The following EML4 variants were observed in gnomAD, a reference collection of about 807,000 sequenced individuals.
EML4 encodes the protein EMAP like 4, also known as echinoderm microtubule-associated protein-like 4.
EML4 carries 72 observed loss-of-function variants against 129.0 expected under a neutral mutation model. The ratio of observed to expected loss-of-function variants is 0.56; its 90% confidence interval spans 0.46 to 0.68. The LOEUF is 0.68. Among genes scored for constraint, EML4 ranks in the 30% least tolerant of loss-of-function variants. The pLI is 0.00. For synonymous variants in EML4, 532 were observed against 405.0 expected, an observed-to-expected ratio of 1.31 and a Z score of -3.77; for missense variants, 1,363 against 1,190.6, an observed-to-expected ratio of 1.14 and a Z score of -2.13.
chr2:42,265,608 C>T (rs769842147), intron 6 of EML4, among the ~76,000 whole-genome samples: 1 of 152,084 alleles, frequency 6.6e-6, no homozygotes, highest in Non-Finnish European at 1.5e-5. Flanking sequence ...AGTAAAAATA[C>T]AGTATTACAA....
intron 1 of EML4, among the ~76,000 whole-genome samples, chr2:42,200,618 G>A (rs1394094344): frequency 2.6e-5 from 4 of 152,174 alleles, no homozygotes; most frequent in Non-Finnish European, 5.9e-5. Context: ...CAGAAATTCT[G>A]GCACTAATTC....
chr2:42,306,484 C>CT (rs375707062), intron 17 of EML4, among the ~76,000 whole-genome samples: 12,610 of 74,406 alleles, frequency 0.17, 3,168 homozygotes, highest in Middle Eastern at 0.29. Flanking sequence ...GTGCTAAATC[C>CT]TTTTTTTTTT....
chr2:42,330,274 A>G lies in EML4; in HGVS notation c.*67A>G, dbSNP rs945621668. 2.1e-5 allele frequency: 29 copies of G among 1,398,740 alleles called. No homozygotes were observed. The highest frequency in any genetic ancestry group is 2.9e-5 in the Non-Finnish European group (29 of 992,590). 86.6% of individuals were successfully genotyped at this position (1,398,740 alleles called of 1,614,324 possible). A position where few individuals can be genotyped will look rare whatever the true frequency, so the allele number is the denominator to read the frequency against. On this transcript the variant is annotated 3_prime_UTR_variant, in exon 23 of 23. Coordinates refer to ENST00000318522, the MANE Select transcript of EML4 (RefSeq NM_019063.5). ...GATTTTGTGATAAAGTTCAGGTAAC[A>G]GGATGGGCAGTGATGGAGAATCACT...
chr2:42,292,918 C>A (rs569836332), intron 11 of EML4, among the ~76,000 whole-genome samples: 1 of 151,912 alleles, frequency 6.6e-6, no homozygotes, highest in East Asian at 1.9e-4. Context: ...GTTTTACAAC[C>A]CTTTGATTAT....
In EML4 at chr2:42,267,599, A is replaced by G. The variant is rs565303207; in HGVS notation, c.667+2868A>G. ...GGCCTGTGTCCTTCAGACAGAGCAG[A>G]GTAGGAGAAAAGCTAGAAAGCTGCA... is the stretch of plus-strand genomic sequence containing the variant. On this transcript the variant is annotated intron_variant, in intron 6 of 22. Coordinates refer to ENST00000318522, the MANE Select transcript of EML4 (RefSeq NM_019063.5). 4.6e-5 allele frequency among the ~76,000 whole-genome samples: 7 copies of G among 152,340 alleles called. No homozygotes were observed. In the South Asian group the frequency reaches 1.4e-3, roughly 32 times the overall value.
At chr2:42,232,679 T>G (rs1674420954) in intron 1 of EML4, among the ~76,000 whole-genome samples, 1 of 152,184 alleles carries the variant, frequency 6.6e-6, no homozygotes, top group African/African-American at 2.4e-5. Flanking sequence ...GTAGAAACAC[T>G]CTTTTGATGG....
At chr2:42,294,805 G>C (rs1409622276) in intron 11 of EML4, among the ~76,000 whole-genome samples, 1 of 152,032 alleles carries the variant, frequency 6.6e-6, no homozygotes, top group African/African-American at 2.4e-5. Flanking sequence ...CTTTAAGAAA[G>C]AATGTACATT....
At chr2:42,274,482 T>C (rs72972010) in intron 6 of EML4, among the ~76,000 whole-genome samples, 13,639 of 152,166 alleles carry the variant, frequency 0.09, 1,995 homozygotes, top group African/African-American at 0.31. Context: ...TAAAGCAAGC[T>C]TAAAAAGAAA....
chr2:42,319,535 C>T (rs1054104741), intron 19 of EML4: 1 of 152,338 alleles, frequency 6.6e-6, no homozygotes, highest in African/African-American at 2.4e-5. Flanking sequence ...TTGCTTCTAG[C>T]TTTCAGTTCT....
At chr2:42,251,493 C>T (rs563327143) in intron 2 of EML4, among the ~76,000 whole-genome samples, 8 of 152,084 alleles carry the variant, frequency 5.3e-5, no homozygotes, top group Non-Finnish European at 7.3e-5. Flanking sequence ...AGTTGAAAGG[C>T]CTAAGGGTAC....
intron 10 of EML4, among the ~76,000 whole-genome samples, chr2:42,287,612 A>G (rs761651848): frequency 2.0e-5 from 3 of 152,292 alleles, no homozygotes; most frequent in South Asian, 4.1e-4. Flanking sequence ...AATATCATCT[A>G]TAGGTATTTT....
chr2:42,295,813 C>T (rs1040298883), intron 13 of EML4, among the ~76,000 whole-genome samples: 2 of 152,156 alleles, frequency 1.3e-5, no homozygotes, highest in Non-Finnish European at 2.9e-5. Flanking sequence ...GGCTCACTTT[C>T]CCCTGAGCTG....
At position 42,316,063 on chromosome 2, in the gene EML4, A is replaced by C; in HGVS notation, c.2056+13A>C. 6.3e-7 allele frequency: 1 copy of C among 1,584,686 alleles called. No homozygotes were observed. The highest frequency in any genetic ancestry group is 1.1e-5 in the South Asian group (1 of 89,910). On this transcript the variant is annotated intron_variant, in intron 18 of 22. Transcript: ENST00000318522. ...CGCTACTCAATAGGTAGGCAAATTT[A>C]CTCCCACCTCCCAAGCATGGCATTC... is the stretch of plus-strand genomic sequence containing the variant.
intron 2 of EML4, among the ~76,000 whole-genome samples, chr2:42,255,351 C>T (rs1331741172): frequency 6.6e-6 from 1 of 152,088 alleles, no homozygotes; most frequent in East Asian, 1.9e-4. Context: ...TCCCAAAGTG[C>T]TGGGATTACA....
At chr2:42,197,850 C>T (rs962724881) in intron 1 of EML4, among the ~76,000 whole-genome samples, 1 of 152,158 alleles carries the variant, frequency 6.6e-6, no homozygotes, top group African/African-American at 2.4e-5. Flanking sequence ...CTTGTGTACT[C>T]CTTTAGCCAG....
In EML4 at chr2:42,243,792, A is replaced by T. The variant is rs142035456; in HGVS notation, c.26-1713A>T. 7.5e-3 allele frequency among the ~76,000 whole-genome samples: 1,140 copies of T among 152,334 alleles called. 3 individuals carry two copies. Among genetic ancestry groups the T allele is most frequent in the Middle Eastern group, 0.017 (5 of 294 alleles). ...TTTACTGTTCCATAATGTAATGGTG[A>T]TAGCTTTGGTTTTTTAAATGTTGTG... is the stretch of plus-strand genomic sequence containing the variant. On this transcript the variant is annotated intron_variant, in intron 1 of 22. Transcript: ENST00000318522.
chr2:42,210,310 A>G (rs544381174), intron 1 of EML4, among the ~76,000 whole-genome samples: 3 of 152,238 alleles, frequency 2.0e-5, no homozygotes, highest in African/African-American at 7.2e-5. Flanking sequence ...TGTATCAGAT[A>G]TATTGTAGAA....
At position 42,198,868 on chromosome 2, in the gene EML4, C is replaced by T. The variant is rs924907679; in HGVS notation, c.25+29232C>T. Reference sequence around the variant, plus strand: ...CTGTGTCTCTCTCTGCAGTACCCAGCAGCCATTGTGTAGAAACAGAAAAGC... The same window carrying T: ...CTGTGTCTCTCTCTGCAGTACCCAGTAGCCATTGTGTAGAAACAGAAAAGC... On this transcript the variant is annotated intron_variant, in intron 1 of 22. Transcript: ENST00000318522. Among the ~76,000 whole-genome samples, 7 of 152,194 alleles carry T rather than the reference C, an allele frequency of 4.6e-5. No individual in the cohort carries two copies. The South Asian group carries it at 8.3e-4, about 18-fold the overall frequency.
At chr2:42,197,126 G>T (rs1017219402) in intron 1 of EML4, among the ~76,000 whole-genome samples, 1 of 152,172 alleles carries the variant, frequency 6.6e-6, no homozygotes, top group Non-Finnish European at 1.5e-5. Context: ...CTGAAGTGCA[G>T]TGGTGCGATC....
Sources: allele counts gnomAD v4.1 joint callset (sites outside exome capture counted in the v4.1 genomes callset), GRCh38; gene constraint gnomAD v4.1.1; transcripts MANE v1.5; gene names NCBI Gene and HGNC (gene_info 2026-07-23, HGNC 2026-07-21).